Variants in PARP16 observed in about 807,000 individuals in gnomAD.
The protein encoded by PARP16 is protein mono-ADP-ribosyltransferase PARP16.
Under a neutral mutation model 35.0 loss-of-function variants are expected in PARP16, and 31 were observed. The observed-to-expected ratio is 0.88, with a 90% CI of 0.66 to 1.19. PARP16 has a LOEUF of 1.19. Among genes scored for constraint, PARP16 ranks in the 50% most tolerant of loss-of-function variants. PARP16 has a pLI of 0.00. For synonymous variants in PARP16, 162 were observed against 169.5 expected (o/e 0.96, Z 0.34); for missense variants, 424 against 411.2 (o/e 1.03, Z -0.27).
At chr15:65,284,980 G>C (rs988449214) in intron 1 of PARP16, among the ~76,000 whole-genome samples, 11 of 151,868 alleles carry the variant, frequency 7.2e-5, no homozygotes, top group African/African-American at 2.7e-4. Context: ...ACCACACTCA[G>C]CTAATTTAAA....
chr15:65,243,706 T>C (rs1344353042), intron 3 of PARP16, among the ~76,000 whole-genome samples: 1 of 152,036 alleles, frequency 6.6e-6, no homozygotes, highest in African/African-American at 2.4e-5. Flanking sequence ...TGAAGGCATC[T>C]GGGCCTGGAG....
At position 65,286,440 on chromosome 15, in the gene PARP16, G is replaced by A. The variant is rs1204753846; in HGVS notation, c.-14C>T. On this transcript the variant is annotated 5_prime_UTR_variant, in exon 1 of 6. Coordinates refer to ENST00000649807, the MANE Select transcript of PARP16 (RefSeq NM_001316943.2). ...TGAGGGCTGCATCCCAGGTCACTGC[G>A]CGTTGCCGGGGTAGACGCGCTGGTT... 6 of 1,468,356 alleles carry A rather than the reference G, an allele frequency of 4.1e-6. No individual in the cohort carries two copies. The highest frequency in any genetic ancestry group is 5.4e-6 in the Non-Finnish European group (6 of 1,112,804). 91.0% of individuals were successfully genotyped at this position (1,468,356 alleles called of 1,614,324 possible). A position where few individuals can be genotyped will look rare whatever the true frequency, so the allele number is the denominator to read the frequency against.
At chr15:65,285,493 C>T in intron 1 of PARP16, 1 of 402,098 alleles carries the variant, frequency 2.5e-6, no homozygotes, top group Non-Finnish European at 4.9e-6. Flanking sequence ...AATCTGATAC[C>T]AATTAAATGG....
chr15:65,285,054 G>C (rs142409964), intron 1 of PARP16, among the ~76,000 whole-genome samples: 11 of 151,678 alleles, frequency 7.3e-5, no homozygotes, highest in African/African-American at 2.4e-4. Context: ...AAAGTCCTTG[G>C]GATTACAGGC....
chr15:65,276,777 T>C (rs2090270984), intron 1 of PARP16, among the ~76,000 whole-genome samples: 1 of 152,068 alleles, frequency 6.6e-6, no homozygotes, highest in Non-Finnish European at 1.5e-5. Flanking sequence ...GGTTAGGACT[T>C]TGAGACCAGC....
chr15:65,244,468 A>T (rs1385189679), intron 3 of PARP16, among the ~76,000 whole-genome samples: 4 of 152,170 alleles, frequency 2.6e-5, no homozygotes, highest in Admixed American at 6.5e-5. Context: ...TGTGTGCAAG[A>T]GAACTCCCCT....
intron 3 of PARP16, among the ~76,000 whole-genome samples, chr15:65,245,826 G>A (rs1270088205): frequency 2.0e-5 from 3 of 152,104 alleles, no homozygotes; most frequent in Non-Finnish European, 4.4e-5. Flanking sequence ...CCAGCATGAA[G>A]CAGAAATTTC....
chr15:65,286,285 CGTAGGACGCGGGGAAG>C lies in PARP16; in HGVS notation c.126_141del (p.Phe43ProfsTer21). ...TCAAAGTCCTTACAGTCGCCGCGGG[CGTAGGACGCGGGGAAG>C]GGCCGCAGCACCGAGTCGCGCTTGT... On this transcript the variant is annotated frameshift_variant, in exon 1 of 6. Coordinates refer to ENST00000649807, the MANE Select transcript of PARP16 (RefSeq NM_001316943.2). LOFTEE classifies it high-confidence loss of function. 1 of 1,599,592 alleles carries C rather than the reference CGTAGGACGCGGGGAAG, an allele frequency of 6.3e-7. No individual in the cohort carries two copies. Among genetic ancestry groups the C allele is most frequent in the Non-Finnish European group, 8.5e-7 (1 of 1,174,508 alleles).
At chr15:65,261,471 TTGAGATG>T (rs913301356) in intron 4 of PARP16, among the ~76,000 whole-genome samples, 1 of 150,902 alleles carries the variant, frequency 6.6e-6, no homozygotes, top group Non-Finnish European at 1.5e-5. Flanking sequence ...TTTGTTTTTT[TTGAGATG>T]GAGTCTTGCT....
chr15:65,269,752 A>G (rs2090034614), intron 2 of PARP16, among the ~76,000 whole-genome samples: 1 of 152,210 alleles, frequency 6.6e-6, no homozygotes, highest in East Asian at 1.9e-4. Context: ...AAAGTTGACA[A>G]TCCTGGGTCC....
At chr15:65,248,257 A>T (rs1223172382) in intron 2 of PARP16, 1 of 456,500 alleles carries the variant, frequency 2.2e-6, no homozygotes, top group East Asian at 7.0e-5. Context: ...CAGAACAAGT[A>T]CTTTAAAAAT....
At chr15:65,269,197 TTTCTTTC>T (rs939521580) in intron 2 of PARP16, among the ~76,000 whole-genome samples, 1 of 147,274 alleles carries the variant, frequency 6.8e-6, no homozygotes, top group East Asian at 2.0e-4. Flanking sequence ...TCTTTCTTTC[TTTCTTTC>T]TTTTTTTTTT....
chr15:65,263,424 T>C lies in PARP16; in HGVS notation c.520-104A>G. 4.5e-6 allele frequency: 4 copies of C among 897,868 alleles called. No homozygotes were observed. The South Asian group carries it at 5.3e-5, about 12-fold the overall frequency. 55.6% of individuals were successfully genotyped at this position (897,868 alleles called of 1,614,324 possible). ...CTTCAAGAGTTGTAAACACAAAATG[T>C]ACAACCCCCGCTTTTTGCCCCAGCA... On this transcript the variant is annotated intron_variant, in intron 3 of 5. Coordinates refer to ENST00000649807, the MANE Select transcript of PARP16 (RefSeq NM_001316943.2).
rs192776014 is a variant in PARP16, at chr15:65,281,034, C to T, written c.174+5219G>A. 2.6e-3 allele frequency among the ~76,000 whole-genome samples: 402 copies of T among 152,266 alleles called. 2 individuals carry two copies. The highest frequency in any genetic ancestry group is 9.1e-3 in the African/African-American group (380 of 41,556). The stretch of plus-strand genomic sequence containing the variant: ...GAGGCTCATGTTGCTGGTCCTCAAC[C>T]ACACTAAGCAGCGAGGGCCTGGAGC... On this transcript the variant is annotated intron_variant, in intron 1 of 5. Coordinates refer to ENST00000649807, the MANE Select transcript of PARP16 (RefSeq NM_001316943.2).
At chr15:65,245,598 T>G (rs1215364303) in intron 3 of PARP16, among the ~76,000 whole-genome samples, 1 of 152,090 alleles carries the variant, frequency 6.6e-6, no homozygotes, top group African/African-American at 2.4e-5. Context: ...AGCAGCTGTT[T>G]GCAATAACTA....
chr15:65,264,609 C>T (rs1215765389), intron 3 of PARP16, among the ~76,000 whole-genome samples: 1 of 152,218 alleles, frequency 6.6e-6, no homozygotes, highest in Non-Finnish European at 1.5e-5. Flanking sequence ...AAAGCTGACA[C>T]AGACCTTCTC....
intron 2 of PARP16, among the ~76,000 whole-genome samples, chr15:65,268,997 C>T (rs1229719939): frequency 1.3e-5 from 2 of 152,212 alleles, no homozygotes; most frequent in Middle Eastern, 3.4e-3. Context: ...TCAAGTGATC[C>T]GCCTGCCTTG....
downstream of PARP16, among the ~76,000 whole-genome samples, chr15:65,254,815 G>A (rs993840738): frequency 6.6e-6 from 1 of 152,138 alleles, no homozygotes; most frequent in Non-Finnish European, 1.5e-5. Flanking sequence ...TGGTTTTGTA[G>A]GCAATCAGTG....
At chr15:65,275,776 A>C (rs2090235397) in intron 1 of PARP16, among the ~76,000 whole-genome samples, 1 of 152,184 alleles carries the variant, frequency 6.6e-6, no homozygotes, top group South Asian at 2.1e-4. Flanking sequence ...TTACCCATAC[A>C]GGACTGCTGC....
Sources: gnomAD v4.1 joint callset for allele counts (sites outside exome capture counted in the v4.1 genomes callset) on GRCh38, gnomAD v4.1.1 for gene constraint, MANE v1.5 for transcripts, NCBI Gene and HGNC (gene_info 2026-07-23, HGNC 2026-07-21) for gene names.